Variants in PGCKA1 observed in about 807,000 individuals in gnomAD.
PGCKA1 encodes the protein PDCD10 and GCKIII kinases associated 1.
the PGCKA1 span, among the ~76,000 whole-genome samples, chr4:37,585,168 AGGAGGGGAGAGGAGAGGGGAG>A: frequency 1.9e-5 from 1 of 53,004 alleles, no homozygotes; most frequent in African/African-American, 1.3e-4. Flanking sequence ...GGGAGGGGAG[AGGAGGGGAGAGGAGAGGGGAG>A]GGTGGAGGAG....
the PGCKA1 span, among the ~76,000 whole-genome samples, chr4:37,517,287 GTATAAATATAAATATA>G: frequency 4.1e-5 from 6 of 147,462 alleles, no homozygotes; most frequent in Admixed American, 2.0e-4. Context: ...ATATAAATAT[GTATAAATATAAATATA>G]TATAAATATA....
At chr4:37,558,361 C>G in the PGCKA1 span, among the ~76,000 whole-genome samples, 1 of 152,014 alleles carries the variant, frequency 6.6e-6, no homozygotes, top group African/African-American at 2.4e-5. Context: ...GTTAATCTAT[C>G]CCCCCGTCCC....
chr4:37,503,702 A>G, the PGCKA1 span, among the ~76,000 whole-genome samples: 183 of 152,304 alleles, frequency 1.2e-3, no homozygotes, highest in African/African-American at 3.8e-3. Flanking sequence ...CTGATGATCA[A>G]TGATGTTGAG....
chr4:37,568,368 ACT>A, the PGCKA1 span, among the ~76,000 whole-genome samples: 1 of 152,038 alleles, frequency 6.6e-6, no homozygotes, highest in Admixed American at 6.5e-5. Flanking sequence ...TCTGAAAACC[ACT>A]CTGCCCTCCT....
At chr4:37,546,562 G>A in the PGCKA1 span, among the ~76,000 whole-genome samples, 98 of 152,334 alleles carry the variant, frequency 6.4e-4, 2 homozygotes, top group East Asian at 0.018. Flanking sequence ...GTGCAGTCAG[G>A]GAGCTCGGAT....
At chr4:37,582,996 G>A in the PGCKA1 span, among the ~76,000 whole-genome samples, 3 of 152,142 alleles carry the variant, frequency 2.0e-5, no homozygotes, top group Non-Finnish European at 4.4e-5. Context: ...TTTCTCGTAT[G>A]TTTGTTAGCT....
chr4:37,469,254 C>T, the PGCKA1 span, among the ~76,000 whole-genome samples: 1 of 152,158 alleles, frequency 6.6e-6, no homozygotes, highest in South Asian at 2.1e-4. Context: ...AACATATTCC[C>T]ATTATTAAGC....
At chr4:37,539,809 G>A in the PGCKA1 span, among the ~76,000 whole-genome samples, 1 of 152,154 alleles carries the variant, frequency 6.6e-6, no homozygotes, top group African/African-American at 2.4e-5. Context: ...CAATTATTAT[G>A]AACATTGTGT....
chr4:37,527,744 G>A, the PGCKA1 span, among the ~76,000 whole-genome samples: 1,042 of 151,928 alleles, frequency 6.9e-3, 14 homozygotes, highest in African/African-American at 0.023. Context: ...GCAGGAGAAT[G>A]GCAGGAACCC....
chr4:37,513,411 GTT>G, the PGCKA1 span, among the ~76,000 whole-genome samples: 34 of 152,334 alleles, frequency 2.2e-4, no homozygotes, highest in Admixed American at 1.5e-3. Flanking sequence ...ACATTGTTTA[GTT>G]TCTAGTGAGG....
chr4:37,481,464 C>CAAAAAAAAAAAAAAAA, the PGCKA1 span, among the ~76,000 whole-genome samples: 51 of 61,392 alleles, frequency 8.3e-4, 8 homozygotes, highest in Non-Finnish European at 1.1e-3. Flanking sequence ...GACCTGTCTC[C>CAAAAAAAAAAAAAAAA]AAAAAAAAAA....
chr4:37,586,514 G>A, the PGCKA1 span, among the ~76,000 whole-genome samples: 1 of 152,214 alleles, frequency 6.6e-6, no homozygotes, highest in Admixed American at 6.5e-5. Context: ...CCCAGGAAGA[G>A]TTGGAAGGAC....
At chr4:37,582,293 G>A in the PGCKA1 span, among the ~76,000 whole-genome samples, 1 of 151,898 alleles carries the variant, frequency 6.6e-6, no homozygotes, top group Non-Finnish European at 1.5e-5. Flanking sequence ...TAAATTTGGT[G>A]TTCCTGTGGG....
the PGCKA1 span, among the ~76,000 whole-genome samples, chr4:37,552,538 T>G: frequency 1.3e-5 from 2 of 152,214 alleles, no homozygotes; most frequent in Non-Finnish European, 2.9e-5. Flanking sequence ...TACAATACTA[T>G]GTGTAATAAA....
At chr4:37,549,895 G>A in the PGCKA1 span, among the ~76,000 whole-genome samples, 4 of 152,144 alleles carry the variant, frequency 2.6e-5, no homozygotes, top group Non-Finnish European at 5.9e-5. Flanking sequence ...CACACAGGCC[G>A]AAGCATGAGG....
At chr4:37,499,745 AAC>A in the PGCKA1 span, among the ~76,000 whole-genome samples, 1 of 151,780 alleles carries the variant, frequency 6.6e-6, no homozygotes, top group African/African-American at 2.4e-5. Flanking sequence ...TTTTCAAAAA[AAC>A]ACACTTCTAG....
At chr4:37,579,769 T>C in the PGCKA1 span, among the ~76,000 whole-genome samples, 2 of 152,212 alleles carry the variant, frequency 1.3e-5, no homozygotes, top group Non-Finnish European at 2.9e-5. Flanking sequence ...TTGGGTTAAA[T>C]CTGCTTGGTG....
At chr4:37,481,464 C>A in the PGCKA1 span, among the ~76,000 whole-genome samples, 1 of 61,430 alleles carries the variant, frequency 1.6e-5, no homozygotes, top group Non-Finnish European at 3.0e-5. Flanking sequence ...GACCTGTCTC[C>A]AAAAAAAAAA....
At chr4:37,532,342 GTTCT>G in the PGCKA1 span, among the ~76,000 whole-genome samples, 2 of 152,062 alleles carry the variant, frequency 1.3e-5, no homozygotes, top group Admixed American at 6.5e-5. Context: ...CAACATATAT[GTTCT>G]TTGTTTCACT....
Sources: allele counts gnomAD v4.1 joint callset (sites outside exome capture counted in the v4.1 genomes callset), GRCh38; gene constraint gnomAD v4.1.1; transcripts MANE v1.5; gene names NCBI Gene and HGNC (gene_info 2026-07-23, HGNC 2026-07-21).